Variants in RTN3 observed in about 807,000 individuals in gnomAD.
RTN3 encodes the protein reticulon 3.
RTN3 carries 49 observed loss-of-function variants against 77.8 expected under a neutral mutation model. That is an observed-to-expected ratio of 0.63 (90% CI 0.50 to 0.80). The LOEUF (loss-of-function observed/expected upper bound fraction) is 0.80, where lower values mean the gene tolerates loss of function less well. Among genes scored for constraint, RTN3 ranks in the 30% least tolerant of loss-of-function variants. The pLI is 0.00. For synonymous variants in RTN3, 464 were observed against 446.9 expected, an observed-to-expected ratio of 1.04 and a Z score of -0.48; for missense variants, 1,236 against 1,211.9, an observed-to-expected ratio of 1.02 and a Z score of -0.29.
chr11:63,692,599 A>C (rs1224413272), intron 1 of RTN3, among the ~76,000 whole-genome samples: 1 of 152,118 alleles, frequency 6.6e-6, no homozygotes, highest in Non-Finnish European at 1.5e-5. Flanking sequence ...TCTACTAAAA[A>C]TACAAAAAAA....
At chr11:63,751,357 C>T (rs1310922596) in intron 4 of RTN3, among the ~76,000 whole-genome samples, 1 of 152,164 alleles carries the variant, frequency 6.6e-6, no homozygotes, top group African/African-American at 2.4e-5. Flanking sequence ...TACTGATTTC[C>T]TCCGTATCTC....
At position 63,758,205 on chromosome 11, in the gene RTN3, C is replaced by T. The variant is rs1590903075; in HGVS notation, c.*4C>T. On this transcript the variant is annotated 3_prime_UTR_variant, in exon 9 of 9. Transcript: ENST00000377819. ...CGCCAAAAAAAAGGCAGAATAAGTA[C>T]ATGGAAACCAGAAATGCAACAGTTA... is the stretch of plus-strand genomic sequence containing the variant. The T allele has an allele frequency of 1.2e-6, 2 of 1,613,514 alleles. No individual in the cohort carries two copies. The highest frequency in any genetic ancestry group is 1.1e-5 in the South Asian group (1 of 90,820).
intron 3 of RTN3, among the ~76,000 whole-genome samples, chr11:63,721,603 T>G (rs1041149770): frequency 6.6e-6 from 1 of 151,944 alleles, no homozygotes; most frequent in Non-Finnish European, 1.5e-5. Flanking sequence ...AAAATTTTTT[T>G]TCTATGCTCC....
chr11:63,681,842 G>T (rs1055453039), intron 1 of RTN3, 64 bp downstream of exon 1: 1 of 1,440,800 alleles, frequency 6.9e-7, no homozygotes, highest in South Asian at 1.3e-5. Flanking sequence ...GGGCTGGGGG[G>T]ATTAGGAGGC....
At chr11:63,749,684 TG>T (rs762283221) in intron 3 of RTN3, among the ~76,000 whole-genome samples, 2 of 152,220 alleles carry the variant, frequency 1.3e-5, no homozygotes, top group Non-Finnish European at 2.9e-5. Flanking sequence ...AAGAACGTTT[TG>T]CCTCGTGAGT....
chr11:63,685,428 G>A (rs1278355683), intron 1 of RTN3, among the ~76,000 whole-genome samples: 3 of 143,258 alleles, frequency 2.1e-5, no homozygotes, highest in Non-Finnish European at 4.6e-5. Flanking sequence ...CCCAGGAGGC[G>A]GGAGTTGCAG....
intron 2 of RTN3, among the ~76,000 whole-genome samples, chr11:63,717,249 T>C (rs2011466733): frequency 6.6e-6 from 1 of 152,078 alleles, no homozygotes; most frequent in Admixed American, 6.6e-5. Context: ...AAAAATTTGT[T>C]AGAGTGGGAA....
chr11:63,726,603 CT>C lies in RTN3; in HGVS notation c.2530+5572del, dbSNP rs202137394. Among the ~76,000 whole-genome samples the C allele has an allele frequency of 6.3e-3, 955 of 152,374 alleles. 6 individuals carry two copies. The highest frequency in any genetic ancestry group is 0.01 in the Non-Finnish European group (700 of 68,032). On this transcript the variant is annotated intron_variant, in intron 3 of 8. Transcript: ENST00000377819. Reference sequence around the variant, plus strand: ...CTGGGCCGGGTGCAATGGCCCACGCCTGTAATCCCAGCACTTTGGGAGGCCA... The same window carrying C: ...CTGGGCCGGGTGCAATGGCCCACGCCGTAATCCCAGCACTTTGGGAGGCCA...
intron 3 of RTN3, among the ~76,000 whole-genome samples, chr11:63,724,650 C>T (rs907743284): frequency 2.0e-5 from 3 of 151,938 alleles, no homozygotes; most frequent in Non-Finnish European, 2.9e-5. Context: ...TGCCACCACG[C>T]CCGGCTAATT....
At chr11:63,718,225 T>G (rs2011514035) in intron 2 of RTN3, among the ~76,000 whole-genome samples, 1 of 152,184 alleles carries the variant, frequency 6.6e-6, no homozygotes, top group East Asian at 1.9e-4. Flanking sequence ...CTTTTCAGAT[T>G]GTGAGACTAA....
At chr11:63,681,870 A>G in intron 1 of RTN3, 92 bp downstream of exon 1, 1 of 1,332,474 alleles carries the variant, frequency 7.5e-7, no homozygotes, top group Non-Finnish European at 9.9e-7. Context: ...GAGGAGGACG[A>G]ATTACCCTCG....
At chr11:63,734,396 G>A (rs550460228) in intron 3 of RTN3, among the ~76,000 whole-genome samples, 3 of 150,532 alleles carry the variant, frequency 2.0e-5, no homozygotes, top group East Asian at 2.0e-4. Flanking sequence ...GCAGTGAGCC[G>A]AGATCACACC....
Position 63,720,236 on chromosome 11 carries a change from T to A in RTN3, c.1734T>A (p.Ser578Arg). The A allele has an allele frequency of 6.2e-7, 1 of 1,614,110 alleles. No individual in the cohort carries two copies. Among genetic ancestry groups the A allele is most frequent in the Non-Finnish European group, 8.5e-7 (1 of 1,179,998 alleles). ...ATATTCTTGGAAGGAGTCCAGCTAG[T>A]GAGGCAGCATGTTCAAAAGTACCCG... ...QPDILGRSPASEAACSKVPDT... is the reference protein window; with the variant it reads ...QPDILGRSPAREAACSKVPDT... The change falls in exon 3 of 9, where the codon AGT (serine) becomes AGA (arginine). Residue 578 changes from serine (S) to arginine (R), a missense_variant. This residue lies in a region of RTN3 where 1,056 missense variants were observed against 990.4 expected (regional missense o/e 1.07). Transcript: ENST00000377819.
chr11:63,747,902 TTAAACTCA>T (rs2013888356), intron 3 of RTN3, among the ~76,000 whole-genome samples: 1 of 152,190 alleles, frequency 6.6e-6, no homozygotes, highest in Non-Finnish European at 1.5e-5. Context: ...TTACCAGGAC[TTAAACTCA>T]TGTCTCTCCA....
rs868432115 is a variant in RTN3 at position 63,703,799 on chromosome 11, C to A, written c.143-1052C>A. On this transcript the variant is annotated intron_variant, in intron 1 of 8. Transcript: ENST00000377819. The stretch of plus-strand genomic sequence containing the variant: ...CCTCGTGATCCGCCTGCCTCAGCCT[C>A]CCAAAGTGCTGGGATTACAGGCATG... 2.0e-5 allele frequency among the ~76,000 whole-genome samples: 3 copies of A among 151,998 alleles called. No homozygotes were observed. The South Asian group carries it at 6.2e-4, about 32-fold the overall frequency.
intron 2 of RTN3, among the ~76,000 whole-genome samples, chr11:63,715,711 G>A (rs560964368): frequency 6.6e-6 from 1 of 152,078 alleles, no homozygotes; most frequent in Admixed American, 6.6e-5. Flanking sequence ...CCTCCCCTGT[G>A]GGGTGGAGTC....
intron 1 of RTN3, among the ~76,000 whole-genome samples, chr11:63,692,428 T>A (rs985690204): frequency 2.0e-5 from 3 of 151,430 alleles, no homozygotes; most frequent in Non-Finnish European, 4.4e-5. Flanking sequence ...AATGTTTATG[T>A]CCCCACCCCT....
intron 3 of RTN3, among the ~76,000 whole-genome samples, chr11:63,732,893 A>T (rs1042009327): frequency 3.3e-5 from 5 of 152,238 alleles, no homozygotes; most frequent in Non-Finnish European, 7.3e-5. Context: ...AATATTATTC[A>T]TGAACGTAAA....
At chr11:63,694,467 C>T (rs763921728) in intron 1 of RTN3, among the ~76,000 whole-genome samples, 26 of 151,920 alleles carry the variant, frequency 1.7e-4, no homozygotes, top group Non-Finnish European at 2.6e-4. Context: ...TGAGCCACTG[C>T]GCCTGGCCTT....
Sources: gnomAD v4.1 joint callset for allele counts (sites outside exome capture counted in the v4.1 genomes callset) on GRCh38, gnomAD v4.1.1 for gene constraint, gnomAD v4.1.1 regional missense constraint, MANE v1.5 for transcripts, NCBI Gene and HGNC (gene_info 2026-07-23, HGNC 2026-07-21) for gene names.